SYNE1: variants seen among roughly 807,000 people sequenced by gnomAD.
SYNE1 encodes the protein spectrin repeat containing nuclear envelope protein 1.
Under a neutral mutation model 1,111.0 loss-of-function variants are expected in SYNE1, and 616 were observed. That is an observed-to-expected ratio of 0.55 (90% CI 0.52 to 0.59). The LOEUF is 0.59. Ranked by LOEUF, SYNE1 falls within the 20% of genes least tolerant of loss-of-function variation. SYNE1 has a pLI of 0.00. For missense variants in SYNE1, 10,006 were observed against 10,417.0 expected, an observed-to-expected ratio of 0.96 and a Z score of 1.72; for synonymous variants, 3,855 against 3,825.8, an observed-to-expected ratio of 1.01 and a Z score of -0.28.
At chr6:152,473,800 T>C (rs2098820165) in intron 14 of SYNE1, among the ~76,000 whole-genome samples, 1 of 152,228 alleles carries the variant, frequency 6.6e-6, no homozygotes, top group African/African-American at 2.4e-5. Context: ...TCACCCCAGC[T>C]AGCTCTGATT....
intron 3 of SYNE1, among the ~76,000 whole-genome samples, chr6:152,541,663 G>A (rs1263511135): frequency 1.3e-5 from 2 of 150,448 alleles, no homozygotes; most frequent in Admixed American, 6.6e-5. Context: ...CAGGAGAATG[G>A]TGTGAACCTG....
chr6:152,511,530 T>C, intron 6 of SYNE1: 1 of 1,593,050 alleles, frequency 6.3e-7, no homozygotes, highest in South Asian at 1.1e-5. Flanking sequence ...CCCTTTTACC[T>C]ATAAAAATCA....
chr6:152,518,081 T>G (rs868404509), intron 6 of SYNE1, among the ~76,000 whole-genome samples: 1 of 151,664 alleles, frequency 6.6e-6, no homozygotes, highest in Non-Finnish European at 1.5e-5. Context: ...TGGGGAAGAA[T>G]AGAACTAACC....
Position 152,590,005 on chromosome 6 carries a change from GCT to G in SYNE1, c.67+38258_67+38259del, listed in dbSNP as rs1311243547. Among the ~76,000 whole-genome samples, 16 of 149,150 alleles carry G rather than the reference GCT, an allele frequency of 1.1e-4. 2 individuals carry two copies. Among genetic ancestry groups the G allele is most frequent in the Admixed American group, 1.0e-3 (15 of 14,866 alleles). On this transcript the variant is annotated intron_variant, in intron 3 of 145. Coordinates refer to ENST00000367255, the MANE Select transcript of SYNE1 (RefSeq NM_182961.4). ...TAGGGCACCTAGTGGTGCCACCATA[GCT>G]CACTGTAACCTCGAACCCTAGGCTC...
chr6:152,323,605 G>C lies in SYNE1; in HGVS notation c.15790C>G (p.Gln5264Glu), dbSNP rs759722892. ...CGCAGCATGCCCAAGGCCGACTGCT[G>C]CTGCTCCAGCTCCAGAACGAACGTG... ...HDTFVLELEQ[Q>E]QSALGMLRQQ... Residue 5264 changes from glutamine (Q) to glutamate (E), a missense_variant, in exon 82 of 146, where the codon CAG (glutamine) becomes GAG (glutamate). Around this residue, in one of 7 missense-constraint regions of SYNE1, gnomAD observed 4,955 missense variants for 5,017.2 expected, o/e 0.99. Coordinates refer to ENST00000367255, the MANE Select transcript of SYNE1 (RefSeq NM_182961.4). 1 of 1,614,228 alleles carries C rather than the reference G, an allele frequency of 6.2e-7. No individual in the cohort carries two copies.
intron 12 of SYNE1, among the ~76,000 whole-genome samples, chr6:152,486,790 C>G (rs534331510): frequency 6.6e-6 from 1 of 152,294 alleles, no homozygotes; most frequent in Admixed American, 6.5e-5. Flanking sequence ...CACCTAAATT[C>G]AGGCATATTT....
chr6:152,472,613 G>T, intron 14 of SYNE1, 200 bp from the exon 15 acceptor site: 1 of 703,658 alleles, frequency 1.4e-6, no homozygotes, highest in South Asian at 1.5e-5. Flanking sequence ...CACTATGCTG[G>T]AACTGCATCT....
chr6:152,583,358 T>C (rs2099526780), intron 3 of SYNE1, among the ~76,000 whole-genome samples: 1 of 152,168 alleles, frequency 6.6e-6, no homozygotes, highest in Non-Finnish European at 1.5e-5. Context: ...AGGACAGGCT[T>C]TGCAGTGACA....
chr6:152,409,792 A>G (rs1327900303), intron 42 of SYNE1, 83 bp from the exon 43 acceptor site: 2 of 1,447,876 alleles, frequency 1.4e-6, no homozygotes, highest in Non-Finnish European at 1.9e-6. Flanking sequence ...TTGATGTTTC[A>G]CTACGTAAAG....
intron 32 of SYNE1, among the ~76,000 whole-genome samples, chr6:152,438,384 G>A (rs1477311182): frequency 6.6e-6 from 1 of 152,184 alleles, no homozygotes. Flanking sequence ...AGCTTTTTAT[G>A]TGAGCTATGT....
chr6:152,152,835 C>T (rs1247501783), intron 133 of SYNE1, among the ~76,000 whole-genome samples: 2 of 152,050 alleles, frequency 1.3e-5, no homozygotes, highest in Non-Finnish European at 2.9e-5. Flanking sequence ...CATGTTAGAG[C>T]TAGTGTACCA....
Position 152,143,824 on chromosome 6 carries a change from G to A in SYNE1, c.24977-59C>T. ...AAACTATTTGACTTATTTAAAGCTT[G>A]ATATTCAAGGAGAAGTTTCAGAAAT... On this transcript the variant is annotated intron_variant, in intron 137 of 145. Coordinates refer to ENST00000367255, the MANE Select transcript of SYNE1 (RefSeq NM_182961.4). 1.9e-6 allele frequency: 3 copies of A among 1,610,136 alleles called. No individual in the cohort carries two copies. The South Asian group carries it at 3.3e-5, about 18-fold the overall frequency.
chr6:152,216,862 T>A (rs976191236), intron 121 of SYNE1, among the ~76,000 whole-genome samples: 2 of 152,036 alleles, frequency 1.3e-5, no homozygotes, highest in Non-Finnish European at 2.9e-5. Flanking sequence ...GAGACCAGCC[T>A]GGCCAACATA....
chr6:152,444,588 C>G lies in SYNE1; in HGVS notation c.3670-10G>C. ...TTAGCATCTTTTCAACCTATATTTTCATGAAAAAAAAAAACACGTAAATCA... is the reference window on the plus strand; with the variant it reads ...TTAGCATCTTTTCAACCTATATTTTGATGAAAAAAAAAAACACGTAAATCA... On this transcript the variant is annotated splice_polypyrimidine_tract_variant and intron_variant, in intron 29 of 145. Transcript: ENST00000367255. The G allele has an allele frequency of 6.3e-7, 1 of 1,595,952 alleles. No homozygotes were observed. Among genetic ancestry groups the G allele is most frequent in the Non-Finnish European group, 8.5e-7 (1 of 1,173,560 alleles).
chr6:152,376,156 G>C lies in SYNE1; in HGVS notation c.9324+225C>G, dbSNP rs941898072. On this transcript the variant is annotated intron_variant, in intron 58 of 145. Transcript: ENST00000367255. ...CTCTGTGTGCACAGTTCACAATGGG[G>C]TTCAGGCTCCTATGAGAATCTGATG... is the stretch of plus-strand genomic sequence containing the variant. 6 of 533,770 alleles carry C rather than the reference G, an allele frequency of 1.1e-5. No individual in the cohort carries two copies. In the Admixed American group the frequency reaches 1.9e-4, roughly 17 times the overall value. 33.1% of individuals were successfully genotyped at this position (533,770 alleles called of 1,614,324 possible).
intron 122 of SYNE1, among the ~76,000 whole-genome samples, chr6:152,214,208 A>AG (rs1342409428): frequency 2.6e-5 from 4 of 151,702 alleles, no homozygotes; most frequent in African/African-American, 7.2e-5. Context: ...AAAAAAAAAA[A>AG]AAGAAGAAAG....
rs144888773 is a variant in SYNE1 at position 152,133,325 on chromosome 6, C to T, written c.25952G>A (p.Arg8651His). The T allele has an allele frequency of 7.1e-5, 114 of 1,614,046 alleles. No individual in the cohort carries two copies. The highest frequency in any genetic ancestry group is 5.3e-4 in the South Asian group (48 of 91,088). Residue 8651 changes from arginine (R) to histidine (H), a missense_variant, in exon 143 of 146, where the codon CGT becomes CAT. By Grantham distance (29) the Arg-to-His change is conservative. This residue lies in a region of SYNE1 where 761 missense variants were observed against 795.5 expected (regional missense o/e 0.96). Transcript: ENST00000367255. ...TAACTTCTCCAGTTCCTTGATATGA[C>T]GACTGACCTCCTTCAAGAGAAGTTT... ...RLKLLLKEVSRHIKELEKLLD... is the reference protein window; with the variant it reads ...RLKLLLKEVSHHIKELEKLLD...
rs144910464 is a variant in SYNE1, at chr6:152,398,661, G to A, written c.7308C>T (p.Thr2436=). Residue 2436 remains threonine, a synonymous_variant, in exon 49 of 146, where the codon ACC becomes ACT. Coordinates refer to ENST00000367255, the MANE Select transcript of SYNE1 (RefSeq NM_182961.4). ...KAAAKESSDR[T]GDSKVLEAKL... is the part of the protein sequence containing the mutation. ...TTGCTTCTAGAACTTTGCTGTCACC[G>A]GTGCGATCTGATGATTCTTTTGCTG... 1.1e-4 allele frequency: 179 copies of A among 1,613,920 alleles called. No individual in the cohort carries two copies. Among genetic ancestry groups the A allele is most frequent in the African/African-American group, 2.7e-4 (20 of 75,024 alleles).
intron 3 of SYNE1, among the ~76,000 whole-genome samples, chr6:152,574,860 G>A (rs2099490048): frequency 6.6e-6 from 1 of 152,018 alleles, no homozygotes; most frequent in South Asian, 2.1e-4. Flanking sequence ...CTCTTGAAAC[G>A]TCAGTTCACT....
Sources: allele counts gnomAD v4.1 joint callset (sites outside exome capture counted in the v4.1 genomes callset), GRCh38; gene constraint gnomAD v4.1.1; regional missense constraint gnomAD v4.1.1; transcripts MANE v1.5; gene names NCBI Gene and HGNC (gene_info 2026-07-23, HGNC 2026-07-21).